The following AHI1 variants were observed in gnomAD, a reference collection of about 807,000 sequenced individuals.
The protein encoded by AHI1 is jouberin.
Under a neutral mutation model 149.3 loss-of-function variants are expected in AHI1, and 123 were observed. That is an observed-to-expected ratio of 0.82 (90% CI 0.71 to 0.96). AHI1 has a LOEUF of 0.96. Ranked by LOEUF, AHI1 falls within the 40% of genes least tolerant of loss-of-function variation. AHI1 has a pLI of 0.00. For synonymous variants in AHI1, 475 were observed against 459.8 expected (o/e 1.03, Z -0.42); for missense variants, 1,439 against 1,422.7 (o/e 1.01, Z -0.18).
chr6:135,299,255 A>G (rs966424858), intron 27 of AHI1, among the ~76,000 whole-genome samples: 5 of 152,258 alleles, frequency 3.3e-5, no homozygotes, highest in African/African-American at 1.2e-4. Flanking sequence ...TGTACAATGA[A>G]ATACTGTCTT....
At chr6:135,454,076 T>C (rs1788543262) in intron 10 of AHI1, among the ~76,000 whole-genome samples, 1 of 152,166 alleles carries the variant, frequency 6.6e-6, no homozygotes, top group African/African-American at 2.4e-5. Flanking sequence ...TGATACAGAC[T>C]CCAATCATCT....
At chr6:135,295,003 T>A (rs1037270561) in intron 27 of AHI1, among the ~76,000 whole-genome samples, 2 of 151,916 alleles carry the variant, frequency 1.3e-5, no homozygotes, top group African/African-American at 4.8e-5. Flanking sequence ...AAAACACAGA[T>A]CAGGAAAAAT....
At chr6:135,394,476 T>C (rs1413979145) in intron 23 of AHI1, among the ~76,000 whole-genome samples, 1 of 152,066 alleles carries the variant, frequency 6.6e-6, no homozygotes, top group African/African-American at 2.4e-5. Flanking sequence ...GGGTTCTTTA[T>C]CTAATTGGGA....
chr6:135,494,021 G>A (rs1282062397), intron 3 of AHI1, among the ~76,000 whole-genome samples: 1 of 152,154 alleles, frequency 6.6e-6, no homozygotes, highest in African/African-American at 2.4e-5. Flanking sequence ...CCAGGTGATG[G>A]AGTGAGGTAA....
intron 24 of AHI1, among the ~76,000 whole-genome samples, chr6:135,354,701 A>G (rs1423441516): frequency 1.3e-5 from 2 of 152,190 alleles, no homozygotes; most frequent in Non-Finnish European, 2.9e-5. Context: ...GCAAGTGCAG[A>G]GGGACTAATT....
chr6:135,297,402 C>T, intron 27 of AHI1: 1 of 455,920 alleles, frequency 2.2e-6, no homozygotes, highest in Non-Finnish European at 4.4e-6. Flanking sequence ...AAATGCCCTC[C>T]CATGAGGCAG....
chr6:135,310,649 T>A (rs1291548175), intron 26 of AHI1, among the ~76,000 whole-genome samples: 2 of 152,222 alleles, frequency 1.3e-5, no homozygotes, highest in Non-Finnish European at 2.9e-5. Context: ...ATAATAGATA[T>A]TTTTATAATT....
At chr6:135,490,851 G>A (rs1795157997) in intron 4 of AHI1, 104 bp from the exon 5 acceptor site, 2 of 1,361,994 alleles carry the variant, frequency 1.5e-6, no homozygotes, top group Non-Finnish European at 9.9e-7. Context: ...ATCGGCATGA[G>A]TTCTCTAGCT....
intron 23 of AHI1, among the ~76,000 whole-genome samples, chr6:135,381,796 G>A (rs551184222): frequency 6.6e-6 from 1 of 152,244 alleles, no homozygotes; most frequent in Non-Finnish European, 1.5e-5. Flanking sequence ...TTGCCTGCTG[G>A]ACTCCCCAGA....
intron 26 of AHI1, chr6:135,302,901 G>A (rs750659481): frequency 1.1e-6 from 1 of 939,026 alleles, no homozygotes. Flanking sequence ...GAACATGACT[G>A]CCCTTCTTTC....
chr6:135,331,535 A>G (rs1034837447), intron 24 of AHI1, among the ~76,000 whole-genome samples: 5 of 152,180 alleles, frequency 3.3e-5, no homozygotes, highest in Admixed American at 2.6e-4. Context: ...AAGGGATTAA[A>G]TATTATTATA....
chr6:135,428,008 C>A (rs889837145), intron 19 of AHI1, among the ~76,000 whole-genome samples: 5 of 150,364 alleles, frequency 3.3e-5, no homozygotes, highest in Admixed American at 1.3e-4. Flanking sequence ...AAAAAAAAAA[C>A]AAGGAAAAAA....
At chr6:135,492,187 T>C (rs1167656255) in intron 4 of AHI1, 41 bp downstream of exon 4, 3 of 1,432,636 alleles carry the variant, frequency 2.1e-6, no homozygotes, top group Non-Finnish European at 2.8e-6. Flanking sequence ...AGTAAATGTA[T>C]AAAATATAAA....
chr6:135,495,783 C>T (rs1795880124), intron 3 of AHI1, 31 bp downstream of exon 3: 1 of 152,248 alleles, frequency 6.6e-6, no homozygotes, highest in Non-Finnish European at 1.5e-5. Context: ...GTAAAAAAGA[C>T]TCAGGCTTGA....
chr6:135,416,784 G>A (rs1457073823), intron 20 of AHI1, among the ~76,000 whole-genome samples: 3 of 151,964 alleles, frequency 2.0e-5, no homozygotes, highest in Admixed American at 2.0e-4. Flanking sequence ...ATGAAGACCA[G>A]CTCAATAATA....
intron 6 of AHI1, 70 bp downstream of exon 6, chr6:135,467,511 G>A (rs1277914534): frequency 8.3e-7 from 1 of 1,204,346 alleles, no homozygotes; most frequent in African/African-American, 1.5e-5. Flanking sequence ...ATTGCTGACT[G>A]TGTATTCCTC....
chr6:135,331,709 G>A (rs905963455), intron 24 of AHI1, among the ~76,000 whole-genome samples: 2 of 152,146 alleles, frequency 1.3e-5, no homozygotes, highest in African/African-American at 4.8e-5. Flanking sequence ...GACAAGCTAA[G>A]CACTGAATAA....
At chr6:135,426,113 C>T (rs1783877500) in intron 20 of AHI1, among the ~76,000 whole-genome samples, 1 of 151,620 alleles carries the variant, frequency 6.6e-6, no homozygotes, top group South Asian at 2.1e-4. Context: ...AACTAGACAC[C>T]AGATTTGGAC....
chr6:135,440,260 T>C (rs1449312289), intron 14 of AHI1, among the ~76,000 whole-genome samples: 1 of 152,138 alleles, frequency 6.6e-6, no homozygotes, highest in Non-Finnish European at 1.5e-5. Context: ...GCTCACAGCA[T>C]GCTCTGGGAG....
Sources: gnomAD v4.1 joint callset for allele counts (sites outside exome capture counted in the v4.1 genomes callset) on GRCh38, gnomAD v4.1.1 for gene constraint, MANE v1.5 for transcripts, NCBI Gene and HGNC (gene_info 2026-07-23, HGNC 2026-07-21) for gene names.